The following RPTOR variants were observed in gnomAD, a reference collection of about 807,000 sequenced individuals.
RPTOR encodes the protein regulatory associated protein of MTOR complex 1, also known as regulatory-associated protein of mTOR.
RPTOR carries 21 observed loss-of-function variants against 169.9 expected under a neutral mutation model. The ratio of observed to expected loss-of-function variants is 0.12; its 90% confidence interval spans 0.09 to 0.18. The LOEUF is 0.18. RPTOR is among the 10% of genes least tolerant of loss of function. The probability of loss-of-function intolerance (pLI) is 1.00; values close to 1 mark genes in which losing one functional copy is unlikely to be tolerated. For missense variants in RPTOR, 1,133 were observed against 1,855.9 expected, an observed-to-expected ratio of 0.61 and a Z score of 7.16; for synonymous variants, 732 against 753.2, an observed-to-expected ratio of 0.97 and a Z score of 0.46.
intron 1 of RPTOR, among the ~76,000 whole-genome samples, chr17:80,571,896 T>G (rs1458757500): frequency 6.6e-6 from 1 of 152,234 alleles, no homozygotes; most frequent in East Asian, 1.9e-4. Context: ...GTTGCTTCTT[T>G]TCTCAGTATC....
chr17:80,761,740 T>A (rs988471181), intron 6 of RPTOR, among the ~76,000 whole-genome samples: 3 of 152,218 alleles, frequency 2.0e-5, no homozygotes, highest in Non-Finnish European at 4.4e-5. Flanking sequence ...AGAACACACT[T>A]TCTTCTGCCC....
In RPTOR at chr17:80,960,016, G is replaced by A. The variant is rs770480668; in HGVS notation, c.3478-62G>A. 177 of 1,601,386 alleles carry A rather than the reference G, an allele frequency of 1.1e-4. No individual in the cohort carries two copies. The highest frequency in any genetic ancestry group is 1.5e-4 in the Non-Finnish European group (171 of 1,172,768). ...CAGCAAGAGGGGTCCTGGCGCTGCAGGACAGCAGGGAGGGTGGCTCGGTGC... is the reference window on the plus strand; with the variant it reads ...CAGCAAGAGGGGTCCTGGCGCTGCAAGACAGCAGGGAGGGTGGCTCGGTGC... On this transcript the variant is annotated intron_variant, in intron 29 of 33. Coordinates refer to ENST00000306801, the MANE Select transcript of RPTOR (RefSeq NM_020761.3). This position sits in a 1 kb window ranked among gnomAD's most constrained non-coding sequence, Gnocchi z 4.8.
intron 17 of RPTOR, among the ~76,000 whole-genome samples, chr17:80,889,093 C>T (rs1032491362): frequency 1.3e-5 from 2 of 152,200 alleles, no homozygotes; most frequent in African/African-American, 4.8e-5. Context: ...AGGGGCCGCT[C>T]GCCCAGCTGC....
intron 28 of RPTOR, among the ~76,000 whole-genome samples, chr17:80,950,076 G>A (rs1416259918): frequency 3.3e-5 from 5 of 152,310 alleles, no homozygotes; most frequent in African/African-American, 4.8e-5. Context: ...GGTGCGGGGC[G>A]AGGCGCAGGC....
chr17:80,732,315 C>T (rs2066399486), intron 5 of RPTOR, among the ~76,000 whole-genome samples: 1 of 152,126 alleles, frequency 6.6e-6, no homozygotes, highest in African/African-American at 2.4e-5. Context: ...TAAATAGAGA[C>T]CCGCTCCCCT....
chr17:80,708,076 C>T lies in RPTOR; in HGVS notation c.507+77C>T, dbSNP rs1164745750. 3.6e-6 allele frequency: 5 copies of T among 1,396,834 alleles called. No individual in the cohort carries two copies. The highest frequency in any genetic ancestry group is 2.5e-4 in the Middle Eastern group (1 of 3,930). 86.5% of individuals were successfully genotyped at this position (1,396,834 alleles called of 1,614,324 possible). ...TGCGGTGGTCGGAGCAGGTCCTGCC[C>T]ATCCGTAGCTTCTGTTAAGCCATTG... On this transcript the variant is annotated intron_variant, in intron 4 of 33. Transcript: ENST00000306801. This position sits in a 1 kb window ranked among gnomAD's most constrained non-coding sequence, Gnocchi z 4.2.
intron 25 of RPTOR, chr17:80,941,488 C>T (rs1368605257): frequency 6.6e-6 from 1 of 152,424 alleles, no homozygotes; most frequent in Admixed American, 6.5e-5. Flanking sequence ...CCTACAGCCC[C>T]ACTGAGGGCA....
chr17:80,711,731 GT>G (rs2066192598), intron 4 of RPTOR, among the ~76,000 whole-genome samples: 1 of 90,840 alleles, frequency 1.1e-5, no homozygotes, highest in African/African-American at 7.2e-5. Flanking sequence ...TTAACATATA[GT>G]TATACATCAG....
In RPTOR at chr17:80,962,584, G is replaced by A. The variant is rs17848672; in HGVS notation, c.3809+7G>A. 1.2e-5 allele frequency: 20 copies of A among 1,608,244 alleles called. No individual in the cohort carries two copies. The East Asian group carries it at 1.6e-4, about 13-fold the overall frequency. On this transcript the variant is annotated splice_region_variant and intron_variant, in intron 32 of 33. Transcript: ENST00000306801. ...AGGCGGACCTGATCGCATGGTAGGC[G>A]CCACCCACCTCCCTGGCCTGCACCG...
chr17:80,933,504 C>T (rs1037441783), intron 24 of RPTOR, among the ~76,000 whole-genome samples: 4 of 152,190 alleles, frequency 2.6e-5, no homozygotes, highest in African/African-American at 9.6e-5. Flanking sequence ...AGAAATCACA[C>T]ATTCATAGGT....
intron 1 of RPTOR, among the ~76,000 whole-genome samples, chr17:80,563,893 G>A (rs910409523): frequency 1.3e-5 from 2 of 152,082 alleles, no homozygotes; most frequent in African/African-American, 4.8e-5. Context: ...CCTTACTTTT[G>A]CTTTTGGTTT....
chr17:80,933,490 G>A (rs1233116324), intron 24 of RPTOR, among the ~76,000 whole-genome samples: 1 of 152,112 alleles, frequency 6.6e-6, no homozygotes, highest in Non-Finnish European at 1.5e-5. Flanking sequence ...TTAAATAAAG[G>A]GAAAGAAATC....
chr17:80,768,267 C>T (rs1200116480), intron 6 of RPTOR, among the ~76,000 whole-genome samples: 2 of 152,164 alleles, frequency 1.3e-5, no homozygotes, highest in Non-Finnish European at 2.9e-5. Context: ...TCTCCCATGT[C>T]TGTCTAACGG....
intron 1 of RPTOR, among the ~76,000 whole-genome samples, chr17:80,613,283 A>T (rs973311302): frequency 5.3e-5 from 8 of 152,174 alleles, no homozygotes; most frequent in Non-Finnish European, 8.8e-5. Flanking sequence ...AGACAGGGTT[A>T]GTTCTAAGTC....
chr17:80,789,387 G>T (rs2067024861), intron 6 of RPTOR, among the ~76,000 whole-genome samples: 1 of 152,144 alleles, frequency 6.6e-6, no homozygotes, highest in African/African-American at 2.4e-5. Flanking sequence ...TCCCTCTGGG[G>T]TGTCCATGTC....
chr17:80,664,742 T>TAGG (rs1466921576), intron 3 of RPTOR, among the ~76,000 whole-genome samples: 1 of 152,168 alleles, frequency 6.6e-6, no homozygotes, highest in Non-Finnish European at 1.5e-5. Flanking sequence ...TTTGCTTGAT[T>TAGG]AGGAGATGGG....
At chr17:80,711,312 T>C (rs537712060) in intron 4 of RPTOR, among the ~76,000 whole-genome samples, 3 of 152,198 alleles carry the variant, frequency 2.0e-5, no homozygotes, top group Non-Finnish European at 4.4e-5. Context: ...CTCCAGAGGA[T>C]GGAAGGAACA....
At chr17:80,813,947 A>G (rs1485633234) in intron 7 of RPTOR, among the ~76,000 whole-genome samples, 1 of 152,192 alleles carries the variant, frequency 6.6e-6, no homozygotes, top group Non-Finnish European at 1.5e-5. Context: ...CAGCCTGGGC[A>G]ACATGGTAAA....
intron 3 of RPTOR, among the ~76,000 whole-genome samples, chr17:80,705,134 C>A (rs1347820332): frequency 6.6e-6 from 1 of 152,284 alleles, no homozygotes; most frequent in Non-Finnish European, 1.5e-5. Flanking sequence ...TGTGGGCCAG[C>A]CCTGTCCTGG....
Sources: allele counts gnomAD v4.1 joint callset (sites outside exome capture counted in the v4.1 genomes callset), GRCh38; gene constraint gnomAD v4.1.1; non-coding constraint Gnocchi (gnomAD v3.1); transcripts MANE v1.5; gene names NCBI Gene and HGNC (gene_info 2026-07-23, HGNC 2026-07-21).